The following MRPS28 variants were observed in gnomAD, a reference collection of about 807,000 sequenced individuals.
MRPS28 encodes the protein mitochondrial ribosomal protein S28.
In MRPS28, 7 loss-of-function variants were observed where a neutral mutation model predicts 10.8. The ratio of observed to expected loss-of-function variants is 0.65; its 90% CI spans 0.37 to 1.22. The LOEUF (loss-of-function observed/expected upper bound fraction) is 1.22, where lower values mean the gene tolerates loss of function less well. Ranked by LOEUF, MRPS28 falls within the 50% of genes most tolerant of loss-of-function variation. The probability of loss-of-function intolerance (pLI) is 0.02; values close to 1 mark genes in which losing one functional copy is unlikely to be tolerated. For missense variants in MRPS28, 265 were observed against 232.9 expected (o/e 1.14, Z -0.90); for synonymous variants, 121 against 93.3 (o/e 1.30, Z -1.71).
At chr8:79,938,458 T>C (rs973205986) in intron 2 of MRPS28, among the ~76,000 whole-genome samples, 4 of 150,218 alleles carry the variant, frequency 2.7e-5, no homozygotes, top group African/African-American at 7.4e-5. Flanking sequence ...TGCTATTGAA[T>C]CAAGAAAAGT....
intron 2 of MRPS28, among the ~76,000 whole-genome samples, chr8:79,974,095 C>G (rs1212040144): frequency 1.3e-5 from 2 of 152,096 alleles, no homozygotes; most frequent in African/African-American, 2.4e-5. Context: ...TTTGCCCTTT[C>G]TTTTCAGTGG....
At chr8:79,933,735 G>T (rs1806531396) in intron 2 of MRPS28, among the ~76,000 whole-genome samples, 2 of 152,062 alleles carry the variant, frequency 1.3e-5, no homozygotes, top group African/African-American at 4.8e-5. Flanking sequence ...GGAATTCTTG[G>T]GAAAACAGCT....
chr8:80,010,082 T>C (rs1198167351), intron 1 of MRPS28, among the ~76,000 whole-genome samples: 1 of 152,214 alleles, frequency 6.6e-6, no homozygotes, highest in Non-Finnish European at 1.5e-5. Context: ...CCGGGAATCT[T>C]TTTACATATT....
intron 2 of MRPS28, among the ~76,000 whole-genome samples, chr8:79,984,647 T>C (rs922559236): frequency 6.6e-6 from 1 of 151,952 alleles, no homozygotes; most frequent in Admixed American, 6.6e-5. Flanking sequence ...AAAACAGACT[T>C]TAAACCAACA....
At chr8:79,922,661 T>C (rs1810126955) in intron 2 of MRPS28, among the ~76,000 whole-genome samples, 1 of 152,136 alleles carries the variant, frequency 6.6e-6, no homozygotes. Flanking sequence ...TGACTCAATT[T>C]AGTCAATAAA....
At chr8:79,962,078 T>C (rs1586061448) in intron 2 of MRPS28, among the ~76,000 whole-genome samples, 1 of 152,240 alleles carries the variant, frequency 6.6e-6, no homozygotes, top group Middle Eastern at 3.4e-3. Context: ...TAATTTTTTA[T>C]CTTATTTTCT....
chr8:79,938,119 A>C (rs1337089620), intron 2 of MRPS28, among the ~76,000 whole-genome samples: 1 of 152,130 alleles, frequency 6.6e-6, no homozygotes, highest in Non-Finnish European at 1.5e-5. Flanking sequence ...AAATAAGGCA[A>C]CTTCTGAAGG....
chr8:80,018,239 T>C (rs781621558), intron 1 of MRPS28, among the ~76,000 whole-genome samples: 14 of 125,444 alleles, frequency 1.1e-4, no homozygotes, highest in Non-Finnish European at 2.0e-4. Context: ...GAGCTCGCAG[T>C]GAGCCGAGAT....
At position 80,003,038 on chromosome 8, in the gene MRPS28, T is replaced by C. The variant is rs1808705345; in HGVS notation, c.356A>G (p.Lys119Arg). Residue 119 changes from lysine (K) to arginine (R), a missense_variant, in exon 2 of 3, where the codon AAG becomes AGG. Transcript: ENST00000276585. ...TGGTCTTCTACATACACAATGAAAC[T>C]TTCCACCAAAATCTATGTACAGATC... Reference protein sequence around the residue: ...ENDLYIDFGGKFHCVCRRPEV... With the variant: ...ENDLYIDFGGRFHCVCRRPEV... 1 of 1,605,646 alleles carries C rather than the reference T, an allele frequency of 6.2e-7. No homozygotes were observed. The highest frequency in any genetic ancestry group is 8.5e-7 in the Non-Finnish European group (1 of 1,177,818).
At chr8:79,938,426 C>CTT (rs11350416) in intron 2 of MRPS28, among the ~76,000 whole-genome samples, 108 of 142,672 alleles carry the variant, frequency 7.6e-4, no homozygotes, top group African/African-American at 2.5e-3. Context: ...GTGGGCTGTG[C>CTT]TTTTTTTTTT....
At chr8:79,938,872 AAC>A (rs946778629) in intron 2 of MRPS28, among the ~76,000 whole-genome samples, 19 of 152,242 alleles carry the variant, frequency 1.2e-4, no homozygotes, top group African/African-American at 3.6e-4. Context: ...ATGAAAAAGA[AAC>A]ACAAAATTTT....
intron 1 of MRPS28, among the ~76,000 whole-genome samples, chr8:80,005,083 C>T (rs568677678): frequency 1.3e-5 from 2 of 152,294 alleles, no homozygotes; most frequent in Admixed American, 6.5e-5. Flanking sequence ...TCCAGGAGAA[C>T]ATCCCCAATC....
intron 2 of MRPS28, among the ~76,000 whole-genome samples, chr8:79,944,490 T>C (rs1013606569): frequency 1.5e-4 from 23 of 152,164 alleles, no homozygotes; most frequent in African/African-American, 5.3e-4. Flanking sequence ...TGGTCTGAGA[T>C]TTGCTTTCAT....
chr8:80,024,597 A>G (rs369061527), intron 1 of MRPS28, among the ~76,000 whole-genome samples: 4 of 152,346 alleles, frequency 2.6e-5, no homozygotes, highest in East Asian at 1.9e-4. Flanking sequence ...CTAAATCAAT[A>G]GGTAAAACTT....
At chr8:79,953,688 T>C (rs564629076) in intron 2 of MRPS28, among the ~76,000 whole-genome samples, 13 of 152,264 alleles carry the variant, frequency 8.5e-5, no homozygotes, top group African/African-American at 1.7e-4. Context: ...AAAAGTATTA[T>C]ATAAAGGAAA....
intron 1 of MRPS28, among the ~76,000 whole-genome samples, chr8:80,004,217 C>T (rs13274346): frequency 0.073 from 11,109 of 152,270 alleles, 553 homozygotes; most frequent in Middle Eastern, 0.12. Context: ...CCTGAGTAGC[C>T]TAACTGGGAG....
intron 1 of MRPS28, among the ~76,000 whole-genome samples, chr8:80,016,699 AGTTT>A (rs1259919497): frequency 1.3e-5 from 2 of 152,234 alleles, no homozygotes; most frequent in African/African-American, 4.8e-5. Context: ...AACAATTAAC[AGTTT>A]GTTCATGTTA....
chr8:80,005,367 T>G (rs11990178), intron 1 of MRPS28, among the ~76,000 whole-genome samples: 16,336 of 151,708 alleles, frequency 0.11, 2,605 homozygotes, highest in African/African-American at 0.36. Context: ...CAACACAGAA[T>G]TTCATATCCA....
chr8:79,989,848 A>G (rs1808305836), intron 2 of MRPS28, among the ~76,000 whole-genome samples: 1 of 152,172 alleles, frequency 6.6e-6, no homozygotes, highest in Non-Finnish European at 1.5e-5. Context: ...ATGTCACCAA[A>G]TGCCTACAGA....
Sources: allele counts gnomAD v4.1 joint callset (sites outside exome capture counted in the v4.1 genomes callset), GRCh38; gene constraint gnomAD v4.1.1; transcripts MANE v1.5; gene names NCBI Gene and HGNC (gene_info 2026-07-23, HGNC 2026-07-21).